The following NPHP4 variants were observed in gnomAD, a reference collection of about 807,000 sequenced individuals.
The protein encoded by NPHP4 is nephrocystin 4, also known as nephrocystin-4.
In NPHP4, 151 loss-of-function variants were observed where a neutral mutation model predicts 155.8. The observed-to-expected ratio is 0.97, with a 90% CI of 0.85 to 1.11. NPHP4 has a LOEUF of 1.11. Among genes scored for constraint, NPHP4 ranks in the 50% least tolerant of loss-of-function variants. NPHP4 has a pLI of 0.00. For missense variants in NPHP4, 1,956 were observed against 1,925.7 expected, an observed-to-expected ratio of 1.02 and a Z score of -0.29; for synonymous variants, 845 against 816.8, an observed-to-expected ratio of 1.03 and a Z score of -0.59.
chr1:5,874,052 A>T (rs970311175), intron 22 of NPHP4, among the ~76,000 whole-genome samples: 1 of 152,064 alleles, frequency 6.6e-6, no homozygotes. Flanking sequence ...CGCTCCCTGC[A>T]CACATGCTCC....
chr1:5,884,482 G>A (rs12724561), intron 18 of NPHP4, among the ~76,000 whole-genome samples: 33 of 109,786 alleles, frequency 3.0e-4, no homozygotes, highest in Middle Eastern at 6.9e-3. Context: ...TCCCAGCCGA[G>A]CCCCCGTCCT....
At chr1:5,979,523 A>G (rs953671420) in intron 2 of NPHP4, among the ~76,000 whole-genome samples, 7 of 152,000 alleles carry the variant, frequency 4.6e-5, no homozygotes, top group Non-Finnish European at 8.8e-5. Context: ...AACTATATTT[A>G]GCTATAGTAC....
chr1:5,950,179 G>A (rs978794933), intron 7 of NPHP4, among the ~76,000 whole-genome samples: 1 of 152,080 alleles, frequency 6.6e-6, no homozygotes, highest in Admixed American at 6.5e-5. Context: ...ACTACTGAGT[G>A]AAAAAAATGT....
chr1:5,927,881 C>CA, intron 10 of NPHP4, 94 bp from the exon 11 acceptor site: 2 of 1,352,238 alleles, frequency 1.5e-6, no homozygotes, highest in Non-Finnish European at 2.0e-6. Flanking sequence ...TGCCCTAAAA[C>CA]AAAGTCTACG....
intron 18 of NPHP4, among the ~76,000 whole-genome samples, chr1:5,883,051 C>T (rs959508134): frequency 4.5e-4 from 69 of 152,220 alleles, no homozygotes; most frequent in African/African-American, 1.5e-3. Context: ...TTCTTATCAA[C>T]GCTTTCATCA....
chr1:5,909,386 G>A (rs1478455852), intron 11 of NPHP4, among the ~76,000 whole-genome samples, 173 bp from the exon 12 acceptor site: 1 of 152,296 alleles, frequency 6.6e-6, no homozygotes, highest in East Asian at 1.9e-4. Flanking sequence ...CCACCCAAAA[G>A]TGTCGCTGTC....
chr1:5,965,067 T>C (rs1438215049), intron 5 of NPHP4, among the ~76,000 whole-genome samples: 1 of 150,160 alleles, frequency 6.7e-6, no homozygotes, highest in Non-Finnish European at 1.5e-5. Flanking sequence ...CAAGTAGCTA[T>C]GACCACAGGG....
rs1171532153 is a variant in NPHP4 at position 5,983,990 on chromosome 1, T to A, written c.135+2165A>T. 1.3e-5 allele frequency among the ~76,000 whole-genome samples: 2 copies of A among 152,136 alleles called. 1 individual carries two copies. The highest frequency in any genetic ancestry group is 2.9e-5 in the Non-Finnish European group (2 of 68,034). On this transcript the variant is annotated intron_variant, in intron 2 of 29. Coordinates refer to ENST00000378156, the MANE Select transcript of NPHP4 (RefSeq NM_015102.5). Reference sequence around the variant, plus strand: ...ATAACTTTTAACATACGACTTTGGATCAGGAATTCCACTTCTAGGAATTAT... The same window carrying A: ...ATAACTTTTAACATACGACTTTGGAACAGGAATTCCACTTCTAGGAATTAT...
Position 5,867,798 on chromosome 1 carries a change from G to T in NPHP4, c.3414C>A (p.His1138Gln). 1 of 1,613,038 alleles carries T rather than the reference G, an allele frequency of 6.2e-7. No homozygotes were observed. Residue 1138 changes from histidine (H) to glutamine (Q), a missense_variant, in exon 24 of 30, where the codon CAC becomes CAA. Coordinates refer to ENST00000378156, the MANE Select transcript of NPHP4 (RefSeq NM_015102.5). This position sits in a 1 kb window ranked among gnomAD's most constrained non-coding sequence, Gnocchi z 4.1. ...HVVDQVFRFY[H>Q]PELSFLKKAI... ...CCTTCTTCAGGAAGGAGAGCTCCGG[G>T]TGATAGAAGCGGAAGACCTGGTCCA...
At chr1:5,981,690 A>G (rs1010851583) in intron 2 of NPHP4, among the ~76,000 whole-genome samples, 6 of 152,214 alleles carry the variant, frequency 3.9e-5, no homozygotes, top group African/African-American at 1.4e-4. Context: ...TCCAAACTCT[A>G]TTTATAGAAT....
chr1:5,907,716 C>T (rs968192265), intron 12 of NPHP4, among the ~76,000 whole-genome samples: 1 of 152,028 alleles, frequency 6.6e-6, no homozygotes, highest in Non-Finnish European at 1.5e-5. Flanking sequence ...GTGGAGTGCC[C>T]GCACCAATGT....
At chr1:5,875,330 G>A (rs1480418536) in intron 20 of NPHP4, among the ~76,000 whole-genome samples, 7 of 130,106 alleles carry the variant, frequency 5.4e-5, no homozygotes, top group East Asian at 3.9e-4. Flanking sequence ...TCCCTGACAC[G>A]GAGGTCCACA....
chr1:5,904,951 T>C lies in NPHP4; in HGVS notation c.1956-147A>G, dbSNP rs534787560. 1.6e-5 allele frequency: 12 copies of C among 768,962 alleles called. No homozygotes were observed. The South Asian group carries it at 1.9e-4, about 12-fold the overall frequency. The allele number at this position is 768,962 out of a possible 1,614,324, so 47.6% of individuals were successfully genotyped here. ...TGCCGTGGTCACCAATGCAACCGCT[T>C]TGCTGTGCTCTCAGCAAGCCGGCCA... On this transcript the variant is annotated intron_variant, in intron 15 of 29. Coordinates refer to ENST00000378156, the MANE Select transcript of NPHP4 (RefSeq NM_015102.5).
chr1:5,976,698 T>TA (rs777212297), intron 3 of NPHP4, among the ~76,000 whole-genome samples: 2 of 152,206 alleles, frequency 1.3e-5, no homozygotes, highest in Non-Finnish European at 2.9e-5. Flanking sequence ...ACATACACTC[T>TA]AGCAAGGCTT....
chr1:5,882,362 C>T lies in NPHP4; in HGVS notation c.2486-2123G>A, dbSNP rs148762377. ...GCCATCTCTCAGTGACGCGCTTACC[C>T]AGCCATCTCTCAGTGGTGCGCTTAC... On this transcript the variant is annotated intron_variant, in intron 18 of 29. Coordinates refer to ENST00000378156, the MANE Select transcript of NPHP4 (RefSeq NM_015102.5). The surrounding 1 kb of genome is among the most constrained non-coding windows in gnomAD (Gnocchi z 5.1). 1 of 152,214 alleles carries T rather than the reference C, an allele frequency of 6.6e-6. No homozygotes were observed. The highest frequency in any genetic ancestry group is 1.5e-5 in the Non-Finnish European group (1 of 68,080). 9.4% of individuals were successfully genotyped at this position (152,214 alleles called of 1,614,324 possible).
chr1:5,867,082 G>T lies in NPHP4; in HGVS notation c.3506C>A (p.Pro1169Gln), dbSNP rs770478936. The T allele has an allele frequency of 5.6e-6, 9 of 1,612,468 alleles. No individual in the cohort carries two copies. Among genetic ancestry groups the T allele is most frequent in the South Asian group, 1.1e-5 (1 of 90,736 alleles). Reference protein sequence around the residue: ...APVGMLGEDPPVHVRCSDPNV... With the variant: ...APVGMLGEDPQVHVRCSDPNV... The stretch of plus-strand genomic sequence containing the variant: ...CGGGTCGCTGCAGCGAACATGGACT[G>T]GGGGGTCCTCACCAAGCATTCCCAC... Residue 1169 changes from proline (P) to glutamine (Q), a missense_variant, in exon 25 of 30, where the codon CCA becomes CAA. Physicochemically the swap from Pro to Gln is moderately conservative, Grantham distance 76. Transcript: ENST00000378156. The surrounding 1 kb of genome is among the most constrained non-coding windows in gnomAD (Gnocchi z 4.1).
In NPHP4 at chr1:5,989,134, C is replaced by T. The variant is rs202021937; in HGVS notation, c.-38-2807G>A. 2.6e-5 allele frequency among the ~76,000 whole-genome samples: 4 copies of T among 152,124 alleles called. No individual in the cohort carries two copies. In the South Asian group the frequency reaches 6.2e-4, roughly 24 times the overall value. The stretch of plus-strand genomic sequence containing the variant: ...CCCACACTGAGCCATCAGTCTTCCC[C>T]GGGAGACTTGAGCCCAGGATGTCTC... On this transcript the variant is annotated intron_variant, in intron 1 of 29. Transcript: ENST00000378156.
At chr1:5,964,939 A>ATTTT (rs1232148646) in intron 5 of NPHP4, among the ~76,000 whole-genome samples, 10 of 62,694 alleles carry the variant, frequency 1.6e-4, no homozygotes, top group African/African-American at 6.9e-4. Context: ...ATATATATAT[A>ATTTT]TATTTTTTTT....
At position 5,867,539 on chromosome 1, in the gene NPHP4, G is replaced by A; in HGVS notation, c.3472+201C>T. ...AGAAGGGCAGACTCAGCCGGCAAAT[G>A]CGCACCTAGTCATCTCAGAGGTGGC... On this transcript the variant is annotated intron_variant, in intron 24 of 29. Transcript: ENST00000378156. This position sits in a 1 kb window ranked among gnomAD's most constrained non-coding sequence, Gnocchi z 4.1. 2 of 620,542 alleles carry A rather than the reference G, an allele frequency of 3.2e-6. No individual in the cohort carries two copies. Among genetic ancestry groups the A allele is most frequent in the Non-Finnish European group, 5.6e-6 (2 of 358,456 alleles). The allele number at this position is 620,542 out of a possible 1,614,324, so 38.4% of individuals were successfully genotyped here.
Sources: gnomAD v4.1 joint callset for allele counts (sites outside exome capture counted in the v4.1 genomes callset) on GRCh38, gnomAD v4.1.1 for gene constraint, Gnocchi (gnomAD v3.1) non-coding constraint, MANE v1.5 for transcripts, NCBI Gene and HGNC (gene_info 2026-07-23, HGNC 2026-07-21) for gene names.